The following CENPK variants were observed in gnomAD, a reference collection of about 807,000 sequenced individuals.
The protein encoded by CENPK is centromere protein K.
In CENPK, 46 loss-of-function variants were observed where a neutral mutation model predicts 40.9. That is an observed-to-expected ratio of 1.13 (90% CI 0.89 to 1.44). The LOEUF (loss-of-function observed/expected upper bound fraction) is 1.44. Ranked by LOEUF, CENPK falls within the 40% of genes most tolerant of loss-of-function variation. The probability of loss-of-function intolerance (pLI) is 0.00; values close to 1 mark genes in which losing one functional copy is unlikely to be tolerated. For synonymous variants in CENPK, 107 were observed against 104.4 expected (o/e 1.02, Z -0.15); for missense variants, 288 against 303.5 (o/e 0.95, Z 0.38).
intron 2 of CENPK, among the ~76,000 whole-genome samples, chr5:65,559,328 T>TTTACTTGACAAA (rs1486908846): frequency 6.6e-6 from 1 of 152,152 alleles, no homozygotes; most frequent in Non-Finnish European, 1.5e-5. Flanking sequence ...GACAAGCAAA[T>TTTACTTGACAAA]TGTAAAATTT....
chr5:65,560,297 A>T (rs1751738879), intron 2 of CENPK, among the ~76,000 whole-genome samples: 1 of 152,090 alleles, frequency 6.6e-6, no homozygotes, highest in Non-Finnish European at 1.5e-5. Context: ...ATAAGAAGAA[A>T]CCAAACAACT....
intron 6 of CENPK, among the ~76,000 whole-genome samples, chr5:65,532,427 A>T (rs1158066900): frequency 6.6e-6 from 1 of 152,188 alleles, no homozygotes; most frequent in Non-Finnish European, 1.5e-5. Flanking sequence ...CCTTATATCA[A>T]AGCCTAACAA....
downstream of CENPK, among the ~76,000 whole-genome samples, chr5:65,516,645 A>G (rs1434172466): frequency 1.7e-4 from 26 of 152,190 alleles, no homozygotes; most frequent in Admixed American, 1.7e-3. Context: ...TATCTGTAGT[A>G]TCTGCATTTT....
chr5:65,497,601 C>T, the CENPK span, among the ~76,000 whole-genome samples: 11 of 152,164 alleles, frequency 7.2e-5, no homozygotes, highest in African/African-American at 2.2e-4. Flanking sequence ...ATAAGTTCCC[C>T]GGTCCACACC....
intron 6 of CENPK, among the ~76,000 whole-genome samples, chr5:65,531,855 T>C (rs1221971534): frequency 6.6e-6 from 1 of 152,082 alleles, no homozygotes; most frequent in East Asian, 1.9e-4. Context: ...CCTCAGCTTC[T>C]ATCATAAGAA....
At chr5:65,548,551 T>C (rs1749419614) in intron 5 of CENPK, among the ~76,000 whole-genome samples, 1 of 151,474 alleles carries the variant, frequency 6.6e-6, no homozygotes, top group African/African-American at 2.4e-5. Flanking sequence ...CATGAGATGC[T>C]GTTTGATAGC....
At chr5:65,557,904 G>A (rs1347558115) in intron 2 of CENPK, among the ~76,000 whole-genome samples, 1 of 152,178 alleles carries the variant, frequency 6.6e-6, no homozygotes, top group Non-Finnish European at 1.5e-5. Context: ...AAGAATGGAA[G>A]GCAAGGAATT....
intron 6 of CENPK, among the ~76,000 whole-genome samples, chr5:65,534,324 G>C (rs1481072156): frequency 1.3e-5 from 2 of 152,062 alleles, no homozygotes; most frequent in East Asian, 3.8e-4. Flanking sequence ...CTATGATTCA[G>C]GGAAATTTCA....
chr5:65,542,351 T>G (rs560471734), intron 6 of CENPK, among the ~76,000 whole-genome samples: 1 of 152,296 alleles, frequency 6.6e-6, no homozygotes, highest in South Asian at 2.1e-4. Flanking sequence ...AAAATTCAAA[T>G]CTTTAGGCCA....
At chr5:65,528,724 C>G in intron 8 of CENPK, 146 bp from the exon 9 acceptor site, 1 of 1,157,276 alleles carries the variant, frequency 8.6e-7, no homozygotes, top group Non-Finnish European at 1.2e-6. Context: ...ATCATATTGT[C>G]TATATAACAA....
intron 6 of CENPK, among the ~76,000 whole-genome samples, chr5:65,531,194 CAT>C (rs1444212746): frequency 7.1e-6 from 1 of 141,500 alleles, no homozygotes; most frequent in African/African-American, 2.5e-5. Flanking sequence ...AAATCAATAA[CAT>C]AGCTTTCAAT....
chr5:65,501,304 T>C, the CENPK span, among the ~76,000 whole-genome samples: 2 of 147,124 alleles, frequency 1.4e-5, no homozygotes, highest in Non-Finnish European at 3.0e-5. Flanking sequence ...TCTGCCTCCC[T>C]AGTAGCTGGG....
chr5:65,543,649 G>A (rs769425595), intron 5 of CENPK, among the ~76,000 whole-genome samples: 1 of 152,126 alleles, frequency 6.6e-6, no homozygotes, highest in Non-Finnish European at 1.5e-5. Flanking sequence ...AATATACTGA[G>A]TGATTGCCCT....
chr5:65,522,643 C>T lies in CENPK; in HGVS notation c.598-1115G>A, dbSNP rs145290149. Among the ~76,000 whole-genome samples the T allele has an allele frequency of 2.3e-3, 356 of 152,264 alleles. 2 individuals are homozygous for T. The highest frequency in any genetic ancestry group is 8.2e-3 in the African/African-American group (342 of 41,558). ...GCAGGGTCTTGCTACGTTGTCCAAG[C>T]TGGTCTCAAATTTTTGGCTTCAAGT... On this transcript the variant is annotated intron_variant, in intron 9 of 10. Coordinates refer to ENST00000396679, the MANE Select transcript of CENPK (RefSeq NM_022145.5).
At chr5:65,514,959 T>TC (rs200313928), downstream of CENPK, among the ~76,000 whole-genome samples, 1 of 122,066 alleles carries the variant, frequency 8.2e-6, no homozygotes, top group Non-Finnish European at 1.7e-5. Context: ...TCTTTTGTTA[T>TC]GGTAAAAGTT....
Position 65,528,914 on chromosome 5 carries a change from A to C in CENPK, c.470+5T>G. 6.8e-6 allele frequency: 10 copies of C among 1,462,956 alleles called. No individual in the cohort carries two copies. The highest frequency in any genetic ancestry group is 9.4e-6 in the Non-Finnish European group (10 of 1,058,590). The allele number at this position is 1,462,956 out of a possible 1,614,324, so 90.6% of individuals were successfully genotyped here. On this transcript the variant is annotated splice_donor_5th_base_variant and intron_variant, in intron 8 of 10. Coordinates refer to ENST00000396679, the MANE Select transcript of CENPK (RefSeq NM_022145.5). ...TTTTAAAAACCTAGAACATAAAATTAATACCTTGATTCAGAAAATGTTTCA... is the reference window on the plus strand; with the variant it reads ...TTTTAAAAACCTAGAACATAAAATTCATACCTTGATTCAGAAAATGTTTCA...
rs540630055 is a variant in CENPK at position 65,549,907 on chromosome 5, A to G, written c.241+1657T>C. ...TAGAGCAACATCTTTAATTTCCTTT[A>G]AAAATTTTTCCTGCACTTTGGGAGA... On this transcript the variant is annotated intron_variant, in intron 5 of 10. Coordinates refer to ENST00000396679, the MANE Select transcript of CENPK (RefSeq NM_022145.5). Among the ~76,000 whole-genome samples, 4 of 152,260 alleles carry G rather than the reference A, an allele frequency of 2.6e-5. No homozygotes were observed. The South Asian group carries it at 8.3e-4, about 32-fold the overall frequency.
intron 9 of CENPK, among the ~76,000 whole-genome samples, chr5:65,527,665 A>G (rs4296750): frequency 0.41 from 61,058 of 150,574 alleles, 12,728 homozygotes; most frequent in East Asian, 0.65. Flanking sequence ...ATTAATCTGT[A>G]ACAAATTTTA....
chr5:65,507,252 GA>G, the CENPK span, among the ~76,000 whole-genome samples: 11 of 150,486 alleles, frequency 7.3e-5, no homozygotes, highest in Non-Finnish European at 1.5e-4. Context: ...TTTAATCAGT[GA>G]AAAAAAAATT....
Sources: gnomAD v4.1 joint callset for allele counts (sites outside exome capture counted in the v4.1 genomes callset) on GRCh38, gnomAD v4.1.1 for gene constraint, MANE v1.5 for transcripts, NCBI Gene and HGNC (gene_info 2026-07-23, HGNC 2026-07-21) for gene names.